The following COL4A5 variants were observed in gnomAD, a reference collection of about 807,000 sequenced individuals.
The protein encoded by COL4A5 is collagen type IV alpha 5 chain.
In COL4A5, 26 loss-of-function variants were observed where a neutral mutation model predicts 130.2. That is an observed-to-expected ratio of 0.20 (90% confidence interval 0.15 to 0.28). The LOEUF is 0.28. COL4A5 is among the 10% of genes least tolerant of loss of function. The pLI is 1.00. For synonymous variants in COL4A5, 496 were observed against 439.6 expected (o/e 1.13, Z -1.60); for missense variants, 1,131 against 1,344.3 (o/e 0.84, Z 2.48).
chrX:108,591,665 C>A, intron 21 of COL4A5, 21 bp downstream of exon 21: 12 of 1,109,344 alleles, frequency 1.1e-5, no homozygotes, highest in Non-Finnish European at 1.5e-5. Context: ...CAAACATATT[C>A]ATTCCTTCAT....
intron 21 of COL4A5, among the ~76,000 whole-genome samples, chrX:108,592,291 A>G (rs1161925279): frequency 1.8e-5 from 2 of 111,126 alleles, no homozygotes; most frequent in African/African-American, 3.3e-5. Context: ...TATTTATACA[A>G]TAGATTCCAT....
intron 1 of COL4A5, among the ~76,000 whole-genome samples, chrX:108,483,550 C>T (rs138369852): frequency 0.015 from 1,652 of 111,431 alleles, 25 homozygotes; most frequent in African/African-American, 0.051. Context: ...TTGGCAATAC[C>T]CTCACAGACA....
chrX:108,533,230 T>A (rs1205275813), intron 1 of COL4A5, among the ~76,000 whole-genome samples: 1 of 111,427 alleles, frequency 9.0e-6, no homozygotes, highest in Admixed American at 9.6e-5. Flanking sequence ...AAGCCACATC[T>A]TCATAGCCAA....
chrX:108,510,429 T>A, intron 1 of COL4A5, among the ~76,000 whole-genome samples: 1 of 111,693 alleles, frequency 9.0e-6, no homozygotes, highest in East Asian at 2.8e-4. Flanking sequence ...TATAGACTTC[T>A]GGTTAACTTT....
intron 36 of COL4A5, chrX:108,626,736 T>C: frequency 1.1e-6 from 1 of 875,138 alleles, no homozygotes; most frequent in East Asian, 7.8e-5. Context: ...TTAATGCTAA[T>C]GTAGTAGTAT....
chrX:108,506,341 CATCTATCTATCTATCT>C lies in COL4A5; in HGVS notation c.82-33371_82-33356del, dbSNP rs59216072. On this transcript the variant is annotated intron_variant, in intron 1 of 52. Coordinates refer to ENST00000328300, the MANE Select transcript of COL4A5 (RefSeq NM_033380.3). ...TTTTCCCACTAGCCTTTTATTCTAT[CATCTATCTATCTATCT>C]ATCTATCTATCTATCTATCTATCTA... Among the ~76,000 whole-genome samples, 750 of 98,078 alleles carry C rather than the reference CATCTATCTATCTATCT, an allele frequency of 7.6e-3. 3 individuals carry two copies. The highest frequency in any genetic ancestry group is 0.016 in the Middle Eastern group (3 of 188). The allele number at this position is 98,078 out of a possible 115,157, so 85.2% of individuals were successfully genotyped here.
chrX:108,532,125 A>T (rs1319819462), intron 1 of COL4A5, among the ~76,000 whole-genome samples: 1 of 111,765 alleles, frequency 8.9e-6, no homozygotes, highest in East Asian at 2.8e-4. Context: ...TCAGACAAGG[A>T]TTCAACCAAA....
intron 25 of COL4A5, among the ~76,000 whole-genome samples, chrX:108,600,316 A>G (rs1370685439): frequency 1.8e-5 from 2 of 111,851 alleles, no homozygotes; most frequent in African/African-American, 3.2e-5. Context: ...GGTGTCTTCA[A>G]TGAGCAGAAA....
At chrX:108,657,913 T>C (rs2067875514) in intron 37 of COL4A5, among the ~76,000 whole-genome samples, 1 of 111,411 alleles carries the variant, frequency 9.0e-6, no homozygotes, top group Non-Finnish European at 1.9e-5. Flanking sequence ...TAGATATTTT[T>C]ATTTCTTCTT....
chrX:108,535,459 G>A (rs1450748743), intron 1 of COL4A5, among the ~76,000 whole-genome samples: 3 of 110,895 alleles, frequency 2.7e-5, no homozygotes, highest in African/African-American at 9.8e-5. Flanking sequence ...TTTTTTCTAC[G>A]TAGAGTCAGT....
chrX:108,627,305 C>CT (rs934079126), intron 36 of COL4A5: 4 of 682,267 alleles, frequency 5.9e-6, no homozygotes, highest in African/African-American at 4.9e-5. Context: ...GCCCCATCCT[C>CT]TTTTTACCAT....
At chrX:108,636,695 A>G (rs1470014168) in intron 36 of COL4A5, among the ~76,000 whole-genome samples, 1 of 111,511 alleles carries the variant, frequency 9.0e-6, no homozygotes, top group African/African-American at 3.3e-5. Flanking sequence ...CAGAATATAC[A>G]TTTTTGCAAC....
chrX:108,603,733 C>T (rs1463241116), intron 28 of COL4A5, among the ~76,000 whole-genome samples: 2 of 111,758 alleles, frequency 1.8e-5, no homozygotes, highest in Non-Finnish European at 3.8e-5. Context: ...GATTTCTCTG[C>T]AGCATGTGGT....
intron 2 of COL4A5, among the ~76,000 whole-genome samples, chrX:108,550,455 T>G (rs953955679): frequency 1.5e-4 from 17 of 111,971 alleles, no homozygotes; most frequent in African/African-American, 5.2e-4. Flanking sequence ...CCAATAATTA[T>G]CTTAATCGAT....
chrX:108,586,409 A>G (rs2066335857), intron 18 of COL4A5, among the ~76,000 whole-genome samples: 1 of 111,330 alleles, frequency 9.0e-6, no homozygotes, highest in South Asian at 3.8e-4. Context: ...TTAGTTTTAT[A>G]TGCTTCGGGC....
At position 108,439,993 on chromosome X, in the gene COL4A5, C is replaced by T; in HGVS notation, c.-133C>T. 1 of 490,797 alleles carries T rather than the reference C, an allele frequency of 2.0e-6. No individual in the cohort carries two copies. Among genetic ancestry groups the T allele is most frequent in the Middle Eastern group, 4.6e-4 (1 of 2,151 alleles). 40.4% of individuals were successfully genotyped at this position (490,797 alleles called of 1,213,427 possible). On this transcript the variant is annotated 5_prime_UTR_variant, in exon 1 of 53. Transcript: ENST00000328300. The stretch of plus-strand genomic sequence containing the variant: ...TCTTCCACTCTTAAAAAGCTTCTTT[C>T]TCTTCACCCAAGCCTCACTGTCCCT...
At chrX:108,690,135 A>G (rs1471061541) in intron 49 of COL4A5, 6 of 406,591 alleles carry the variant, frequency 1.5e-5, no homozygotes, top group African/African-American at 5.5e-5. Flanking sequence ...TTACACAACT[A>G]TGATTAAGAA....
At chrX:108,625,883 G>T in intron 35 of COL4A5, 89 bp downstream of exon 35, 1 of 667,765 alleles carries the variant, frequency 1.5e-6, no homozygotes, top group Non-Finnish European at 2.4e-6. Flanking sequence ...GGCTGGTGTT[G>T]ATAGAATCAG....
At chrX:108,502,014 G>T (rs1467987833) in intron 1 of COL4A5, among the ~76,000 whole-genome samples, 1 of 112,098 alleles carries the variant, frequency 8.9e-6, no homozygotes, top group Admixed American at 9.4e-5. Flanking sequence ...ATAGACAAGA[G>T]TATAGACTAC....
Sources: gnomAD v4.1 joint callset for allele counts (sites outside exome capture counted in the v4.1 genomes callset) on GRCh38, gnomAD v4.1.1 for gene constraint, MANE v1.5 for transcripts, NCBI Gene and HGNC (gene_info 2026-07-23, HGNC 2026-07-21) for gene names.